The following LRRC7 variants were observed in gnomAD, a reference collection of about 807,000 sequenced individuals.
LRRC7 encodes leucine-rich repeat-containing protein 7.
A neutral mutation model predicts 175.7 loss-of-function variants in LRRC7; 23 were observed. That is an observed-to-expected ratio of 0.13 (90% confidence interval 0.09 to 0.19). LRRC7 has a LOEUF of 0.19. LRRC7 is among the 10% of genes least tolerant of loss of function. The pLI, the probability that LRRC7 is intolerant of heterozygous loss-of-function variation, is 1.00. For missense variants in LRRC7, 1,354 were observed against 1,904.7 expected, an observed-to-expected ratio of 0.71 and a Z score of 5.38; for synonymous variants, 685 against 680.9, an observed-to-expected ratio of 1.01 and a Z score of -0.09.
chr1:69,793,910 A>C (rs1340458354), intron 4 of LRRC7, among the ~76,000 whole-genome samples: 1 of 152,180 alleles, frequency 6.6e-6, no homozygotes, highest in African/African-American at 2.4e-5. Context: ...TCTTAATTCA[A>C]GTCTTTGAGA....
chr1:69,957,910 AC>A (rs1570800854), intron 8 of LRRC7, among the ~76,000 whole-genome samples: 1 of 151,966 alleles, frequency 6.6e-6, no homozygotes, highest in African/African-American at 2.4e-5. Flanking sequence ...TAGAAATGAA[AC>A]ATTTTTGGAT....
At chr1:70,044,847 C>G (rs1484549100) in intron 22 of LRRC7, among the ~76,000 whole-genome samples, 2 of 152,074 alleles carry the variant, frequency 1.3e-5, no homozygotes, top group Non-Finnish European at 2.9e-5. Context: ...TTAGTGGAAA[C>G]CAATGAGTCA....
At chr1:69,658,751 C>A (rs983146020) in intron 1 of LRRC7, among the ~76,000 whole-genome samples, 1 of 151,952 alleles carries the variant, frequency 6.6e-6, no homozygotes, top group Non-Finnish European at 1.5e-5. Flanking sequence ...TCAGAAGAAT[C>A]ACATCGCAAA....
chr1:70,051,878 A>T (rs1312491557), intron 22 of LRRC7, among the ~76,000 whole-genome samples: 1 of 152,040 alleles, frequency 6.6e-6, no homozygotes, highest in Non-Finnish European at 1.5e-5. Flanking sequence ...GTTTTTCAGA[A>T]GAGAACAAAC....
chr1:69,914,592 TATAA>T (rs1382363036), intron 7 of LRRC7, among the ~76,000 whole-genome samples: 7 of 152,164 alleles, frequency 4.6e-5, no homozygotes, highest in Admixed American at 4.6e-4. Context: ...AATACACAAA[TATAA>T]ATAGTTATCT....
chr1:69,907,430 G>A (rs1388826407), intron 7 of LRRC7, among the ~76,000 whole-genome samples: 1 of 152,094 alleles, frequency 6.6e-6, no homozygotes, highest in Admixed American at 6.6e-5. Context: ...TTTGAGATAT[G>A]TCCCATCCAT....
chr1:70,016,480 A>G lies in LRRC7; in HGVS notation c.1266A>G (p.Pro422=). 1 of 1,591,086 alleles carries G rather than the reference A, an allele frequency of 6.3e-7. No individual in the cohort carries two copies. The highest frequency in any genetic ancestry group is 2.3e-5 in the East Asian group (1 of 44,054). The change falls in exon 14 of 27, where the codon CCA becomes CCG. Residue 422 remains proline, a synonymous_variant. Coordinates refer to ENST00000651989, the MANE Select transcript of LRRC7 (RefSeq NM_001370785.2). ...NLSDNRLKNL[P]FSFTKLKELA... is the part of the protein sequence containing the mutation. ...GTTTTTGCAGATTGAAGAATTTACCATTCTCATTTACCAAACTTAAAGAGC... is the reference window on the plus strand; with the variant it reads ...GTTTTTGCAGATTGAAGAATTTACCGTTCTCATTTACCAAACTTAAAGAGC...
At chr1:69,857,264 G>A (rs1400445590) in intron 7 of LRRC7, among the ~76,000 whole-genome samples, 1 of 152,008 alleles carries the variant, frequency 6.6e-6, no homozygotes, top group Admixed American at 6.6e-5. Context: ...TTCTGGCCAG[G>A]GCAATCAGGC....
chr1:69,990,651 A>G (rs1376907808), intron 10 of LRRC7, among the ~76,000 whole-genome samples: 1 of 152,206 alleles, frequency 6.6e-6, no homozygotes, highest in Non-Finnish European at 1.5e-5. Flanking sequence ...ATGTAAATGT[A>G]TCTACTTAAT....
chr1:69,582,876 T>C (rs1646255696), intron 1 of LRRC7, among the ~76,000 whole-genome samples: 1 of 152,176 alleles, frequency 6.6e-6, no homozygotes, highest in African/African-American at 2.4e-5. Flanking sequence ...TTGATTTTTT[T>C]CTGCTTTGAT....
At chr1:69,878,354 G>A (rs998977371) in intron 7 of LRRC7, among the ~76,000 whole-genome samples, 3 of 151,846 alleles carry the variant, frequency 2.0e-5, no homozygotes, top group Non-Finnish European at 4.4e-5. Flanking sequence ...GGGCAAAAGT[G>A]CATCTAGAAC....
chr1:70,106,595 C>T (rs1665161953), intron 25 of LRRC7, among the ~76,000 whole-genome samples: 1 of 152,138 alleles, frequency 6.6e-6, no homozygotes, highest in African/African-American at 2.4e-5. Context: ...TGTTTAAAAT[C>T]TTTCAGTAGC....
intron 7 of LRRC7, among the ~76,000 whole-genome samples, chr1:69,906,089 A>C (rs1646299562): frequency 6.6e-6 from 1 of 152,024 alleles, no homozygotes; most frequent in South Asian, 2.1e-4. Flanking sequence ...TCATTCACCC[A>C]CTTTTTGATG....
intron 8 of LRRC7, among the ~76,000 whole-genome samples, chr1:69,969,276 C>T (rs1235238635): frequency 2.0e-5 from 3 of 152,158 alleles, no homozygotes; most frequent in African/African-American, 7.2e-5. Context: ...TGGTACCTCA[C>T]ATCTCAATAC....
intron 8 of LRRC7, among the ~76,000 whole-genome samples, chr1:69,936,556 T>G (rs1474755862): frequency 1.3e-5 from 2 of 152,176 alleles, no homozygotes; most frequent in East Asian, 3.8e-4. Flanking sequence ...TGTTGCAGGT[T>G]TTTATTTTTT....
chr1:69,750,961 TGGG>T (rs1203309576), intron 2 of LRRC7, among the ~76,000 whole-genome samples: 1 of 152,160 alleles, frequency 6.6e-6, no homozygotes, highest in African/African-American at 2.4e-5. Context: ...CTAATGCATA[TGGG>T]ATTATGATCT....
At chr1:69,974,566 A>G (rs1378048333) in intron 8 of LRRC7, among the ~76,000 whole-genome samples, 1 of 152,230 alleles carries the variant, frequency 6.6e-6, no homozygotes, top group African/African-American at 2.4e-5. Flanking sequence ...ATTAAGTAGC[A>G]TAGAAAAATG....
At chr1:69,743,330 G>A (rs1035413306) in intron 2 of LRRC7, among the ~76,000 whole-genome samples, 2 of 151,980 alleles carry the variant, frequency 1.3e-5, no homozygotes, top group African/African-American at 4.8e-5. Flanking sequence ...CAGAAGGAGT[G>A]ACATTTGAAC....
intron 2 of LRRC7, among the ~76,000 whole-genome samples, chr1:69,680,113 G>GAGC (rs761659533): frequency 1.4e-4 from 21 of 152,134 alleles, no homozygotes; most frequent in Admixed American, 2.6e-4. Flanking sequence ...TCCAGGCTAA[G>GAGC]AGCAGCAGCA....
Sources: allele counts gnomAD v4.1 joint callset (sites outside exome capture counted in the v4.1 genomes callset), GRCh38; gene constraint gnomAD v4.1.1; transcripts MANE v1.5; gene names NCBI Gene and HGNC (gene_info 2026-07-23, HGNC 2026-07-21).